FAT2: variants seen among roughly 807,000 people sequenced by gnomAD.
The protein encoded by FAT2 is protocadherin Fat 2.
Under a neutral mutation model 295.3 loss-of-function variants are expected in FAT2, and 150 were observed. The observed-to-expected ratio is 0.51, with a 90% confidence interval of 0.44 to 0.58. The LOEUF (loss-of-function observed/expected upper bound fraction) is 0.58. FAT2 is among the 20% of genes least tolerant of loss of function. FAT2 has a pLI of 0.00. For synonymous variants in FAT2, 2,026 were observed against 2,150.3 expected, an observed-to-expected ratio of 0.94 and a Z score of 1.60; for missense variants, 4,868 against 5,442.7, an observed-to-expected ratio of 0.89 and a Z score of 3.32.
chr5:151,530,416 G>C (rs980329976), intron 14 of FAT2, among the ~76,000 whole-genome samples: 19 of 152,282 alleles, frequency 1.2e-4, no homozygotes, highest in Middle Eastern at 3.4e-3. Context: ...TGAGGGATAT[G>C]CTATATGACA....
chr5:151,565,549 T>G, intron 2 of FAT2, 124 bp downstream of exon 2: 10 of 914,404 alleles, frequency 1.1e-5, no homozygotes, highest in Non-Finnish European at 1.6e-5. Context: ...AGAATCCCTA[T>G]TTATTGCCTT....
intron 1 of FAT2, among the ~76,000 whole-genome samples, chr5:151,583,997 CAAAAAAAAAA>C (rs35453556): frequency 3.5e-4 from 16 of 46,046 alleles, no homozygotes; most frequent in African/African-American, 4.9e-4. Flanking sequence ...GGCTCTGTCT[CAAAAAAAAAA>C]AAAAAAAAAA....
chr5:151,591,182 G>A lies in FAT2; in HGVS notation c.-38C>T, dbSNP rs1759390327. Among the ~76,000 whole-genome samples, 1 of 152,256 alleles carries A rather than the reference G, an allele frequency of 6.6e-6. No individual in the cohort carries two copies. Among genetic ancestry groups the A allele is most frequent in the East Asian group, 1.9e-4 (1 of 5,196 alleles). On this transcript the variant is annotated 5_prime_UTR_variant, in exon 1 of 24. Transcript: ENST00000261800. ...ATTCTTACCTGTGCCCTTCAGGTAG[G>A]GGAGGGTGCCCCAGAGCAGGCTGCT...
intron 1 of FAT2, among the ~76,000 whole-genome samples, chr5:151,585,993 G>A (rs1759153040): frequency 6.6e-6 from 1 of 152,154 alleles, no homozygotes; most frequent in South Asian, 2.1e-4. Flanking sequence ...GCCAGGACTG[G>A]AACTCAAGCA....
chr5:151,542,243 C>T (rs772494130), intron 10 of FAT2, 42 bp downstream of exon 10: 4 of 1,520,664 alleles, frequency 2.6e-6, no homozygotes, highest in Admixed American at 2.1e-5. Context: ...GGATGTTTTT[C>T]GATACATTCC....
At chr5:151,592,671 TA>T (rs1759458586), upstream of FAT2, among the ~76,000 whole-genome samples, 1 of 152,178 alleles carries the variant, frequency 6.6e-6, no homozygotes, top group African/African-American at 2.4e-5. Context: ...GCAAATGACT[TA>T]AATTTGTTAA....
At chr5:151,584,636 T>A (rs1242377677) in intron 1 of FAT2, among the ~76,000 whole-genome samples, 1 of 152,240 alleles carries the variant, frequency 6.6e-6, no homozygotes, top group Non-Finnish European at 1.5e-5. Context: ...TAGTGAGCGC[T>A]TGTGCTGTGG....
chr5:151,543,675 G>A lies in FAT2; in HGVS notation c.7452C>T (p.His2484=), dbSNP rs1222892740. 6 of 1,614,038 alleles carry A rather than the reference G, an allele frequency of 3.7e-6. No homozygotes were observed. Among genetic ancestry groups the A allele is most frequent in the Admixed American group, 1.7e-5 (1 of 60,006 alleles). Residue 2484 remains histidine, a synonymous_variant, in exon 10 of 24, where the codon CAC becomes CAT. Coordinates refer to ENST00000261800, the MANE Select transcript of FAT2 (RefSeq NM_001447.3). ...ANKYSPEFQQ[H]LYEAELAENA... ...TCTCTGCTAATTCTGCCTCATAAAGGTGCTGCTGGAACTCTGGGCTGTACT... is the reference window on the plus strand; with the variant it reads ...TCTCTGCTAATTCTGCCTCATAAAGATGCTGCTGGAACTCTGGGCTGTACT...
chr5:151,591,502 C>A (rs1370624435), upstream of FAT2, among the ~76,000 whole-genome samples: 3 of 152,166 alleles, frequency 2.0e-5, no homozygotes, highest in South Asian at 2.1e-4. Flanking sequence ...GCTGAGAAAT[C>A]AGGCCCATCT....
chr5:151,521,016 A>G (rs534172281), intron 19 of FAT2, among the ~76,000 whole-genome samples: 10 of 152,248 alleles, frequency 6.6e-5, no homozygotes, highest in Admixed American at 5.2e-4. Flanking sequence ...GCCACAGCCT[A>G]TGCTCTTAGC....
chr5:151,512,075 G>A lies in FAT2; in HGVS notation c.11905+90C>T, dbSNP rs1455526559. On this transcript the variant is annotated intron_variant, in intron 21 of 23. Transcript: ENST00000261800. The surrounding 1 kb of genome is among the most constrained non-coding windows in gnomAD (Gnocchi z 4.1). Reference sequence around the variant, plus strand: ...AAGAGAGAGAAATTTGGAACCAGGAGGCTCTGAGATCTCCACCCTGACATG... The same window carrying A: ...AAGAGAGAGAAATTTGGAACCAGGAAGCTCTGAGATCTCCACCCTGACATG... 1 of 1,244,576 alleles carries A rather than the reference G, an allele frequency of 8.0e-7. No homozygotes were observed. The allele number at this position is 1,244,576 out of a possible 1,614,324, so 77.1% of individuals were successfully genotyped here.
intron 10 of FAT2, among the ~76,000 whole-genome samples, chr5:151,541,852 G>A (rs1038640250): frequency 1.3e-5 from 2 of 152,208 alleles, no homozygotes; most frequent in African/African-American, 4.8e-5. Context: ...CTTAGGACCT[G>A]TGATTGACTA....
chr5:151,576,898 C>T (rs1758769498), intron 1 of FAT2, among the ~76,000 whole-genome samples: 1 of 152,154 alleles, frequency 6.6e-6, no homozygotes. Context: ...GTGGTACAGC[C>T]TATTGCTCCT....
intron 3 of FAT2, among the ~76,000 whole-genome samples, chr5:151,561,462 G>A (rs1758013260): frequency 6.6e-6 from 1 of 152,062 alleles, no homozygotes; most frequent in African/African-American, 2.4e-5. Context: ...GCGATCATGG[G>A]TCACTGTAGC....
At chr5:151,590,912 T>C (rs1251628575) in intron 1 of FAT2, among the ~76,000 whole-genome samples, 1 of 152,170 alleles carries the variant, frequency 6.6e-6, no homozygotes, top group Non-Finnish European at 1.5e-5. Context: ...AAGATCACAG[T>C]CTCAGCCTTG....
intron 12 of FAT2, 96 bp downstream of exon 12, chr5:151,537,697 A>C: frequency 2.4e-6 from 3 of 1,254,886 alleles, no homozygotes; most frequent in Non-Finnish European, 3.3e-6. Context: ...AGATGAGTGA[A>C]TTCCTGTTTC....
chr5:151,508,930 G>A (rs1457453257), intron 22 of FAT2, among the ~76,000 whole-genome samples: 3 of 152,142 alleles, frequency 2.0e-5, no homozygotes, highest in African/African-American at 7.2e-5. Flanking sequence ...GTCTAGGCTG[G>A]ATCTTGGAAT....
At chr5:151,560,361 C>G (rs1368109732) in intron 3 of FAT2, among the ~76,000 whole-genome samples, 1 of 152,236 alleles carries the variant, frequency 6.6e-6, no homozygotes, top group Non-Finnish European at 1.5e-5. Flanking sequence ...AACTCACTTT[C>G]CCAAGATGTC....
intron 15 of FAT2, 33 bp downstream of exon 15, chr5:151,529,145 T>C (rs1459928699): frequency 6.3e-7 from 1 of 1,596,668 alleles, no homozygotes; most frequent in Non-Finnish European, 8.6e-7. Context: ...CCAGAGTTCT[T>C]GTCCCACAAA....
Sources: allele counts gnomAD v4.1 joint callset (sites outside exome capture counted in the v4.1 genomes callset), GRCh38; gene constraint gnomAD v4.1.1; non-coding constraint Gnocchi (gnomAD v3.1); transcripts MANE v1.5; gene names NCBI Gene and HGNC (gene_info 2026-07-23, HGNC 2026-07-21).